The following HTR2A variants were observed in gnomAD, a reference collection of about 807,000 sequenced individuals.
HTR2A encodes the protein 5-HT2 receptor.
A neutral mutation model predicts 31.0 loss-of-function variants in HTR2A; 14 were observed. That is an observed-to-expected ratio of 0.45 (90% CI 0.30 to 0.71). The LOEUF (loss-of-function observed/expected upper bound fraction) is 0.71. Among genes scored for constraint, HTR2A ranks in the 30% least tolerant of loss-of-function variants. HTR2A has a pLI of 0.09. For missense variants in HTR2A, 442 were observed against 573.3 expected, an observed-to-expected ratio of 0.77 and a Z score of 2.34; for synonymous variants, 209 against 225.2, an observed-to-expected ratio of 0.93 and a Z score of 0.64.
At chr13:46,867,262 G>C (rs747976051) in intron 3 of HTR2A, among the ~76,000 whole-genome samples, 8 of 152,182 alleles carry the variant, frequency 5.3e-5, no homozygotes, top group Non-Finnish European at 1.0e-4. Flanking sequence ...CTCACCTAGA[G>C]ATAAGTTACC....
chr13:46,833,170 A>T lies in HTR2A; in HGVS notation c.*1667T>A. ...ATTGCAATGTTAAGCCTCAAGTGAT[A>T]TTTTCCCCCTCCTTTATTTGTTTGG... On this transcript the variant is annotated 3_prime_UTR_variant, in exon 4 of 4. Transcript: ENST00000542664. 1 of 152,158 alleles carries T rather than the reference A, an allele frequency of 6.6e-6. No individual in the cohort carries two copies. The highest frequency in any genetic ancestry group is 1.9e-4 in the East Asian group (1 of 5,172). 9.4% of individuals were successfully genotyped at this position (152,158 alleles called of 1,614,324 possible).
chr13:46,896,328 G>A, intron 1 of HTR2A, 94 bp from the exon 2 acceptor site: 1 of 686,554 alleles, frequency 1.5e-6, no homozygotes, highest in Non-Finnish European at 1.9e-6. Flanking sequence ...TTTAGCAACA[G>A]TATTATTAAA....
chr13:46,847,932 C>T (rs1002292116), intron 3 of HTR2A, among the ~76,000 whole-genome samples: 1 of 152,134 alleles, frequency 6.6e-6, no homozygotes, highest in Non-Finnish European at 1.5e-5. Flanking sequence ...ACTTCTGTAT[C>T]TCCCTCTTGT....
At chr13:46,871,620 A>T (rs73475737) in intron 3 of HTR2A, among the ~76,000 whole-genome samples, 13,129 of 152,252 alleles carry the variant, frequency 0.086, 845 homozygotes, top group African/African-American at 0.19. Context: ...AAATAATTAC[A>T]AAGTGTTAGT....
At chr13:46,878,599 T>C in intron 3 of HTR2A, among the ~76,000 whole-genome samples, 1 of 151,854 alleles carries the variant, frequency 6.6e-6, no homozygotes, top group Non-Finnish European at 1.5e-5. Context: ...AGAGAATGGG[T>C]CTCTGGAGAA....
chr13:46,856,409 G>A (rs1450165981), intron 3 of HTR2A: 2 of 152,146 alleles, frequency 1.3e-5, no homozygotes, highest in East Asian at 3.9e-4. Context: ...GCAAGTTTAT[G>A]AAATTCAAGA....
chr13:46,860,602 G>A (rs1175440961), intron 3 of HTR2A, among the ~76,000 whole-genome samples: 1 of 152,186 alleles, frequency 6.6e-6, no homozygotes, highest in East Asian at 1.9e-4. Context: ...GAGATCCTGG[G>A]TGAGACTCCA....
chr13:46,897,032 C>T lies in HTR2A; in HGVS notation c.-687G>A, dbSNP rs538577554. ...TCTGCACCAAGGGACTCCTGGTTTC[C>T]ACGGGAATGGAGTAGCTCTCTGACT... is the stretch of plus-strand genomic sequence containing the variant. On this transcript the variant is annotated 5_prime_UTR_variant, in exon 1 of 4. Coordinates refer to ENST00000542664, the MANE Select transcript of HTR2A (RefSeq NM_000621.5). 241 of 567,980 alleles carry T rather than the reference C, an allele frequency of 4.2e-4. 2 individuals are homozygous for T. The South Asian group carries it at 5.3e-3, about 12-fold the overall frequency. 35.2% of individuals were successfully genotyped at this position (567,980 alleles called of 1,614,324 possible).
At chr13:46,884,903 A>G (rs531435867) in intron 3 of HTR2A, among the ~76,000 whole-genome samples, 1 of 152,010 alleles carries the variant, frequency 6.6e-6, no homozygotes, top group South Asian at 2.1e-4. Flanking sequence ...CATGCATACC[A>G]CTCCAAAACT....
intron 3 of HTR2A, among the ~76,000 whole-genome samples, chr13:46,857,241 G>A (rs572565597): frequency 6.6e-6 from 1 of 151,310 alleles, no homozygotes; most frequent in African/African-American, 2.4e-5. Flanking sequence ...GGAGGTTTCA[G>A]TGAGCTGAGA....
At chr13:46,841,142 G>A (rs965579059) in intron 3 of HTR2A, among the ~76,000 whole-genome samples, 5 of 152,092 alleles carry the variant, frequency 3.3e-5, no homozygotes, top group Admixed American at 6.6e-5. Flanking sequence ...AGTTTCCTGA[G>A]GCCTCCCCAG....
chr13:46,848,177 G>A (rs536129743), intron 3 of HTR2A, among the ~76,000 whole-genome samples: 5 of 152,290 alleles, frequency 3.3e-5, no homozygotes, highest in African/African-American at 9.6e-5. Context: ...TGAAACATTA[G>A]TGATTTGGAG....
At chr13:46,887,251 C>T (rs1413700964) in intron 3 of HTR2A, among the ~76,000 whole-genome samples, 2 of 151,908 alleles carry the variant, frequency 1.3e-5, no homozygotes, top group Non-Finnish European at 2.9e-5. Context: ...AACCCCATCT[C>T]TACTAAAAAT....
intron 3 of HTR2A, among the ~76,000 whole-genome samples, chr13:46,853,327 C>T (rs948151650): frequency 6.6e-6 from 1 of 152,130 alleles, no homozygotes; most frequent in Non-Finnish European, 1.5e-5. Context: ...CACCTCCATA[C>T]TCATCTGCCT....
At chr13:46,878,502 A>G (rs1331559853) in intron 3 of HTR2A, among the ~76,000 whole-genome samples, 1 of 152,152 alleles carries the variant, frequency 6.6e-6, no homozygotes, top group Non-Finnish European at 1.5e-5. Flanking sequence ...TGGGATGTGG[A>G]TTATTAAGCA....
At chr13:46,851,988 G>A (rs960394054) in intron 3 of HTR2A, among the ~76,000 whole-genome samples, 2 of 152,230 alleles carry the variant, frequency 1.3e-5, no homozygotes, top group Admixed American at 1.3e-4. Flanking sequence ...CTTAAAAGTG[G>A]AAGAGGGAGG....
At chr13:46,885,341 T>G (rs1328686881) in intron 3 of HTR2A, among the ~76,000 whole-genome samples, 1 of 152,182 alleles carries the variant, frequency 6.6e-6, no homozygotes, top group Admixed American at 6.5e-5. Flanking sequence ...CTACTTGGTA[T>G]GGAGGGCGAT....
intron 1 of HTR2A, 89 bp from the exon 2 acceptor site, chr13:46,896,323 C>T: frequency 1.4e-6 from 1 of 700,778 alleles, no homozygotes; most frequent in Non-Finnish European, 1.9e-6. Context: ...ACTAGTTTAG[C>T]AACAGTATTA....
chr13:46,880,570 G>A (rs3945573), intron 3 of HTR2A, among the ~76,000 whole-genome samples: 142,713 of 152,228 alleles, frequency 0.94, 66,948 homozygotes, highest in African/African-American at 0.96. Flanking sequence ...CGGGCATGGT[G>A]GCTCACACCT....
Sources: gnomAD v4.1 joint callset for allele counts (sites outside exome capture counted in the v4.1 genomes callset) on GRCh38, gnomAD v4.1.1 for gene constraint, MANE v1.5 for transcripts, NCBI Gene and HGNC (gene_info 2026-07-23, HGNC 2026-07-21) for gene names.